The following SFXN5 variants were observed in gnomAD, a reference collection of about 807,000 sequenced individuals.
The protein encoded by SFXN5 is sideroflexin-5.
Under a neutral mutation model 50.2 loss-of-function variants are expected in SFXN5, and 43 were observed. The ratio of observed to expected loss-of-function variants is 0.86; its 90% CI spans 0.67 to 1.11. SFXN5 has a LOEUF of 1.11. SFXN5 is among the 50% of genes least tolerant of loss of function. The probability of loss-of-function intolerance (pLI) is 0.00; values close to 1 mark genes in which losing one functional copy is unlikely to be tolerated. For synonymous variants in SFXN5, 203 were observed against 185.8 expected (o/e 1.09, Z -0.75); for missense variants, 463 against 454.1 (o/e 1.02, Z -0.18).
At chr2:73,067,892 C>T (rs996195997) in intron 1 of SFXN5, among the ~76,000 whole-genome samples, 1 of 152,202 alleles carries the variant, frequency 6.6e-6, no homozygotes, top group Non-Finnish European at 1.5e-5. Context: ...TGTTTGTGTG[C>T]TGTAGTTTTC....
intron 1 of SFXN5, chr2:73,059,586 C>T: frequency 5.1e-6 from 5 of 985,382 alleles, no homozygotes; most frequent in Non-Finnish European, 4.8e-6. Context: ...CCCCCACACA[C>T]CAGTTCTCAT....
chr2:72,967,635 T>C (rs1393638693), intron 12 of SFXN5, among the ~76,000 whole-genome samples: 2 of 152,156 alleles, frequency 1.3e-5, no homozygotes, highest in African/African-American at 4.8e-5. Context: ...TCCCTGTCCT[T>C]ATACCACACG....
Position 73,033,562 on chromosome 2 carries a change from G to A in SFXN5, c.249+7292C>T, listed in dbSNP as rs181077804. Among the ~76,000 whole-genome samples, 289 of 152,338 alleles carry A rather than the reference G, an allele frequency of 1.9e-3. 1 individual carries two copies. The highest frequency in any genetic ancestry group is 6.7e-3 in the African/African-American group (279 of 41,572). On this transcript the variant is annotated intron_variant, in intron 3 of 13. Coordinates refer to ENST00000272433, the MANE Select transcript of SFXN5 (RefSeq NM_144579.3). ...AGAATGAGTCATGCAGCTATCTAGT[G>A]GGAGATTGCTCTGGTAGACAGAACA...
chr2:72,990,761 A>G (rs1014862316), intron 9 of SFXN5, among the ~76,000 whole-genome samples: 2 of 152,170 alleles, frequency 1.3e-5, no homozygotes, highest in Non-Finnish European at 2.9e-5. Flanking sequence ...CTTGCTCCTA[A>G]CCAGGGTGCT....
Position 72,973,778 on chromosome 2 carries a change from G to C in SFXN5, c.626-2093C>G, listed in dbSNP as rs1456065142. ...AAGCAGCCACCTGGCCTCTGTGTTA[G>C]TGACATGCCCTCTAGTGGCCTTAGG... On this transcript the variant is annotated intron_variant, in intron 10 of 13. Transcript: ENST00000272433. The surrounding 1 kb of genome is among the most constrained non-coding windows in gnomAD (Gnocchi z 5.5). Among the ~76,000 whole-genome samples, 1 of 152,184 alleles carries C rather than the reference G, an allele frequency of 6.6e-6. No individual in the cohort carries two copies. Among genetic ancestry groups the C allele is most frequent in the Non-Finnish European group, 1.5e-5 (1 of 68,028 alleles).
intron 3 of SFXN5, among the ~76,000 whole-genome samples, chr2:73,029,748 A>T (rs1267406999): frequency 6.6e-6 from 1 of 152,180 alleles, no homozygotes; most frequent in Non-Finnish European, 1.5e-5. Context: ...GTGGAAACTG[A>T]GGCTCAGAGA....
intron 13 of SFXN5, among the ~76,000 whole-genome samples, chr2:72,948,564 A>G (rs1672193192): frequency 6.6e-6 from 1 of 152,218 alleles, no homozygotes; most frequent in Non-Finnish European, 1.5e-5. Context: ...TTAAAATCAG[A>G]GAGGCTGCTC....
At chr2:73,069,167 C>T (rs59641381) in intron 1 of SFXN5, among the ~76,000 whole-genome samples, 3,569 of 152,102 alleles carry the variant, frequency 0.023, 132 homozygotes, top group African/African-American at 0.081. Flanking sequence ...TCTACAAGGG[C>T]GTAGGGAGTC....
chr2:72,956,477 A>C (rs140224395), intron 13 of SFXN5, among the ~76,000 whole-genome samples: 1 of 152,244 alleles, frequency 6.6e-6, no homozygotes, highest in East Asian at 1.9e-4. Context: ...AGTAGCAAGC[A>C]ATTTGGAGCC....
At chr2:72,948,984 A>G (rs1434156575) in intron 13 of SFXN5, among the ~76,000 whole-genome samples, 1 of 152,208 alleles carries the variant, frequency 6.6e-6, no homozygotes, top group East Asian at 1.9e-4. Context: ...AGAGACAAGC[A>G]GAGTGCCATG....
intron 3 of SFXN5, among the ~76,000 whole-genome samples, chr2:73,023,914 C>G (rs890416344): frequency 6.6e-6 from 1 of 152,180 alleles, no homozygotes; most frequent in East Asian, 1.9e-4. Context: ...AACGGAGTAA[C>G]TTGTCAATCC....
chr2:72,945,458 C>T lies in SFXN5; in HGVS notation c.946-359G>A, dbSNP rs1160538499. Among the ~76,000 whole-genome samples, 3 of 151,970 alleles carry T rather than the reference C, an allele frequency of 2.0e-5. No homozygotes were observed. Among genetic ancestry groups the T allele is most frequent in the African/African-American group, 7.3e-5 (3 of 41,348 alleles). On this transcript the variant is annotated intron_variant, in intron 13 of 13. Transcript: ENST00000272433. The surrounding 1 kb of genome is among the most constrained non-coding windows in gnomAD (Gnocchi z 5.8). ...GCCCTGCCCAGGGCCATTCCCTGGA[C>T]CTGATGACCACCCAGGGCTGCTCCA...
chr2:72,991,337 G>A (rs1672575760), intron 9 of SFXN5, among the ~76,000 whole-genome samples: 1 of 152,284 alleles, frequency 6.6e-6, no homozygotes, highest in Non-Finnish European at 1.5e-5. Context: ...TGGATGGGGT[G>A]ACATATAGTG....
At chr2:72,984,530 G>A (rs528463169) in intron 10 of SFXN5, among the ~76,000 whole-genome samples, 35 of 152,152 alleles carry the variant, frequency 2.3e-4, no homozygotes, top group African/African-American at 7.7e-4. Context: ...TGGGAGGCCT[G>A]GGCTCTGGCC....
chr2:73,015,532 C>T (rs2105793604), intron 6 of SFXN5, among the ~76,000 whole-genome samples: 1 of 151,842 alleles, frequency 6.6e-6, no homozygotes, highest in Non-Finnish European at 1.5e-5. Context: ...GTTGCCCAGG[C>T]TGGTCTCAAA....
chr2:73,054,647 T>C (rs1460824755), intron 2 of SFXN5, among the ~76,000 whole-genome samples: 1 of 152,134 alleles, frequency 6.6e-6, no homozygotes, highest in African/African-American at 2.4e-5. Context: ...AGCAATGAAA[T>C]ACCTCCCTGC....
At chr2:72,976,609 C>T (rs1466308038) in intron 10 of SFXN5, among the ~76,000 whole-genome samples, 6 of 152,022 alleles carry the variant, frequency 3.9e-5, no homozygotes, top group Non-Finnish European at 5.9e-5. Context: ...GTGGTGGCCA[C>T]GATGCTGTGT....
chr2:73,059,315 G>C (rs1279536389), intron 1 of SFXN5: 2 of 985,558 alleles, frequency 2.0e-6, no homozygotes. Flanking sequence ...AGCTCAAGGG[G>C]AAGACAGAGG....
At chr2:73,011,246 G>C (rs1675460455) in intron 6 of SFXN5, among the ~76,000 whole-genome samples, 1 of 152,098 alleles carries the variant, frequency 6.6e-6, no homozygotes, top group African/African-American at 2.4e-5. Flanking sequence ...GTAGAGATGG[G>C]ATCTCCCTAT....
Sources: gnomAD v4.1 joint callset for allele counts (sites outside exome capture counted in the v4.1 genomes callset) on GRCh38, gnomAD v4.1.1 for gene constraint, Gnocchi (gnomAD v3.1) non-coding constraint, MANE v1.5 for transcripts, NCBI Gene and HGNC (gene_info 2026-07-23, HGNC 2026-07-21) for gene names.